Variants in IPO11 observed in about 807,000 individuals in gnomAD.
IPO11 encodes the protein importin-11.
A neutral mutation model predicts 143.2 loss-of-function variants in IPO11; 66 were observed. The observed-to-expected ratio is 0.46, with a 90% CI of 0.38 to 0.57. The LOEUF (loss-of-function observed/expected upper bound fraction) is 0.57, where lower values mean the gene tolerates loss of function less well. Ranked by LOEUF, IPO11 falls within the 20% of genes least tolerant of loss-of-function variation. The probability of loss-of-function intolerance (pLI) is 0.00; values close to 1 mark genes in which losing one functional copy is unlikely to be tolerated. For missense variants in IPO11, 1,026 were observed against 1,141.0 expected, an observed-to-expected ratio of 0.90 and a Z score of 1.45; for synonymous variants, 385 against 377.8, an observed-to-expected ratio of 1.02 and a Z score of -0.22.
intron 5 of IPO11, among the ~76,000 whole-genome samples, chr5:62,458,831 G>T (rs1433447717): frequency 2.6e-5 from 4 of 152,188 alleles, no homozygotes; most frequent in Non-Finnish European, 5.9e-5. Flanking sequence ...TTTGAATATA[G>T]CATGGTGCGT....
At chr5:62,621,339 G>GA (rs1019232406) in intron 29 of IPO11, among the ~76,000 whole-genome samples, 3 of 152,076 alleles carry the variant, frequency 2.0e-5, no homozygotes, top group South Asian at 2.1e-4. Flanking sequence ...GGCAAAAATG[G>GA]AAAAAAACTC....
chr5:62,479,660 G>T (rs1433893975), intron 9 of IPO11, among the ~76,000 whole-genome samples: 12 of 152,156 alleles, frequency 7.9e-5, no homozygotes, highest in African/African-American at 1.4e-4. Flanking sequence ...TCTCATTGTG[G>T]TTTTGATTTG....
At chr5:62,452,763 C>T (rs535142531) in intron 5 of IPO11, among the ~76,000 whole-genome samples, 24 of 130,356 alleles carry the variant, frequency 1.8e-4, no homozygotes, top group Non-Finnish European at 2.5e-4. Context: ...TGTGTGTGCA[C>T]GCATTTTGAG....
intron 6 of IPO11, among the ~76,000 whole-genome samples, chr5:62,468,630 A>G (rs1480352418): frequency 2.6e-5 from 4 of 152,204 alleles, no homozygotes; most frequent in Admixed American, 6.5e-5. Flanking sequence ...TAGTATATTT[A>G]ATGATTAAGA....
chr5:62,538,736 T>G (rs962418597), intron 24 of IPO11, among the ~76,000 whole-genome samples: 6 of 152,204 alleles, frequency 3.9e-5, no homozygotes, highest in Admixed American at 1.3e-4. Context: ...AGATACCATC[T>G]AGATTTGCGT....
chr5:62,569,658 G>A (rs1342491518), intron 27 of IPO11, among the ~76,000 whole-genome samples: 1 of 152,162 alleles, frequency 6.6e-6, no homozygotes, highest in Non-Finnish European at 1.5e-5. Flanking sequence ...GACTGTAAAA[G>A]AAACAGTCTT....
chr5:62,519,359 T>G (rs1742132705), intron 20 of IPO11, among the ~76,000 whole-genome samples: 1 of 152,196 alleles, frequency 6.6e-6, no homozygotes, highest in African/African-American at 2.4e-5. Flanking sequence ...TCCTTTTTGG[T>G]GGAAGAATCC....
In IPO11 at chr5:62,485,406, T is replaced by C. The variant is rs556836083; in HGVS notation, c.1175-13T>C. ...ATGTTGAAAATGTCATTATTACATA[T>C]TTTTAATTGCAGCAGTGGAAGAAAC... is the stretch of plus-strand genomic sequence containing the variant. On this transcript the variant is annotated splice_polypyrimidine_tract_variant and intron_variant, in intron 11 of 29. Transcript: ENST00000325324. 4 of 1,598,782 alleles carry C rather than the reference T, an allele frequency of 2.5e-6. No homozygotes were observed. In the African/African-American group the frequency reaches 5.4e-5, roughly 21 times the overall value.
chr5:62,464,252 C>T (rs1580209393), intron 5 of IPO11, among the ~76,000 whole-genome samples: 2 of 148,404 alleles, frequency 1.3e-5, no homozygotes, highest in Admixed American at 6.7e-5. Context: ...CGGATTCTCC[C>T]GCCTCAGCCT....
chr5:62,456,775 AC>A (rs899588883), intron 5 of IPO11, among the ~76,000 whole-genome samples: 3 of 152,028 alleles, frequency 2.0e-5, no homozygotes, highest in African/African-American at 7.2e-5. Context: ...GAAGAACGCA[AC>A]CCCCCTATTT....
rs1745517756 is a variant in IPO11 at position 62,601,828 on chromosome 5, CAAGAT to C, written c.2748_2752del (p.Asp916GlufsTer74). 6.3e-7 allele frequency: 1 copy of C among 1,591,206 alleles called. No homozygotes were observed. Among genetic ancestry groups the C allele is most frequent in the Non-Finnish European group, 8.6e-7 (1 of 1,168,054 alleles). ...AGAAGATGAAGAACCACCCACAGAACAAGATAAGAGGAAAAAGATGGTAAGTTATA... is the reference window on the plus strand; with the variant it reads ...AGAAGATGAAGAACCACCCACAGAACAAGAGGAAAAAGATGGTAAGTTATA... On this transcript the variant is annotated frameshift_variant, in exon 29 of 30. Transcript: ENST00000325324. LOFTEE classifies it high-confidence loss of function.
intron 3 of IPO11, chr5:62,449,683 A>G: frequency 3.3e-6 from 1 of 303,502 alleles, no homozygotes; most frequent in East Asian, 5.7e-5. Context: ...CCAGTGTACA[A>G]GTAATAGAAA....
At chr5:62,553,688 T>C (rs1223271150) in intron 26 of IPO11, among the ~76,000 whole-genome samples, 2 of 151,806 alleles carry the variant, frequency 1.3e-5, no homozygotes, top group Non-Finnish European at 2.9e-5. Context: ...CCATTCTAAC[T>C]GGAGTGAGAT....
chr5:62,567,216 T>TC (rs1481634896), intron 27 of IPO11, among the ~76,000 whole-genome samples: 2 of 152,184 alleles, frequency 1.3e-5, no homozygotes, highest in East Asian at 3.9e-4. Context: ...GCCCTTTCTT[T>TC]CCTTCAGCAC....
chr5:62,551,383 A>C (rs1215086310), intron 26 of IPO11, 47 bp downstream of exon 26: 4 of 1,001,762 alleles, frequency 4.0e-6, no homozygotes, highest in Non-Finnish European at 6.2e-6. Context: ...ATCTAAATAT[A>C]AATTAGAAAT....
intron 27 of IPO11, among the ~76,000 whole-genome samples, chr5:62,586,767 AAATATAT>A (rs1485218043): frequency 4.5e-4 from 25 of 55,976 alleles, no homozygotes; most frequent in South Asian, 3.5e-3. Context: ...AAAAAAAAAA[AAATATAT>A]ATATATATAT....
intron 29 of IPO11, 51 bp from the exon 30 acceptor site, chr5:62,627,101 GGA>G: frequency 6.6e-7 from 1 of 1,515,906 alleles, no homozygotes; most frequent in Non-Finnish European, 8.9e-7. Flanking sequence ...ATTGCAGGTA[GGA>G]GAGACTTGTT....
At chr5:62,421,693 T>G (rs1282687551) in intron 1 of IPO11, among the ~76,000 whole-genome samples, 1 of 152,154 alleles carries the variant, frequency 6.6e-6, no homozygotes, top group South Asian at 2.1e-4. Flanking sequence ...GATAGGAAAA[T>G]TATATTTATT....
chr5:62,536,333 T>C (rs914161978), intron 22 of IPO11, among the ~76,000 whole-genome samples: 11 of 152,008 alleles, frequency 7.2e-5, no homozygotes, highest in African/African-American at 7.3e-5. Context: ...AAGGAAAATA[T>C]ATGGGGAGCT....
Sources: allele counts gnomAD v4.1 joint callset (sites outside exome capture counted in the v4.1 genomes callset), GRCh38; gene constraint gnomAD v4.1.1; transcripts MANE v1.5; gene names NCBI Gene and HGNC (gene_info 2026-07-23, HGNC 2026-07-21).